SLIT3: variants seen among roughly 807,000 people sequenced by gnomAD.
SLIT3 encodes the protein slit homolog 3 protein.
Under a neutral mutation model 184.0 loss-of-function variants are expected in SLIT3, and 68 were observed. That is an observed-to-expected ratio of 0.37 (90% CI 0.30 to 0.45). The LOEUF is 0.45. Among genes scored for constraint, SLIT3 ranks in the 20% least tolerant of loss-of-function variants. The pLI is 1.00. For missense variants in SLIT3, 1,707 were observed against 2,026.0 expected (o/e 0.84, Z 3.02); for synonymous variants, 831 against 828.6 (o/e 1.00, Z -0.05).
intron 3 of SLIT3, among the ~76,000 whole-genome samples, chr5:169,244,045 TCA>T (rs1765493715): frequency 1.3e-5 from 2 of 152,220 alleles, no homozygotes; most frequent in East Asian, 3.8e-4. Flanking sequence ...GCAAAAGTAT[TCA>T]TCAACAAAAC....
At chr5:168,756,742 G>C (rs10051904) in intron 16 of SLIT3, among the ~76,000 whole-genome samples, 1 of 152,142 alleles carries the variant, frequency 6.6e-6, no homozygotes, top group Non-Finnish European at 1.5e-5. Context: ...TAAGTCACCC[G>C]AATGCCAGAA....
intron 5 of SLIT3, among the ~76,000 whole-genome samples, chr5:168,861,123 A>G (rs1759085703): frequency 6.6e-6 from 1 of 152,172 alleles, no homozygotes; most frequent in Non-Finnish European, 1.5e-5. Context: ...TTTTATTATT[A>G]TACTTTAAGT....
intron 6 of SLIT3, among the ~76,000 whole-genome samples, chr5:168,827,338 G>C (rs1289564493): frequency 6.6e-6 from 1 of 152,222 alleles, no homozygotes; most frequent in African/African-American, 2.4e-5. Context: ...AGAATTTGCT[G>C]CCTTGCCTTT....
intron 16 of SLIT3, among the ~76,000 whole-genome samples, chr5:168,755,233 G>C (rs1754849772): frequency 6.6e-6 from 1 of 152,050 alleles, no homozygotes; most frequent in Non-Finnish European, 1.5e-5. Flanking sequence ...TTTGAAGCCA[G>C]GTTTTCTGGC....
chr5:168,825,958 G>A (rs550244852), intron 6 of SLIT3, among the ~76,000 whole-genome samples: 1 of 152,236 alleles, frequency 6.6e-6, no homozygotes, highest in African/African-American at 2.4e-5. Context: ...CTGACCACCA[G>A]ACAAAAAAAT....
intron 5 of SLIT3, among the ~76,000 whole-genome samples, chr5:168,874,552 C>T (rs549309358): frequency 1.8e-4 from 27 of 152,248 alleles, no homozygotes; most frequent in East Asian, 3.9e-4. Flanking sequence ...ACAGTTATAA[C>T]GCAGGGAGGG....
chr5:169,251,874 A>G (rs1765786100), intron 1 of SLIT3, among the ~76,000 whole-genome samples: 1 of 152,182 alleles, frequency 6.6e-6, no homozygotes, highest in African/African-American at 2.4e-5. Context: ...TAAATGACTC[A>G]AAATCCCAAT....
At chr5:168,890,708 G>T (rs1760422411) in intron 4 of SLIT3, among the ~76,000 whole-genome samples, 1 of 152,272 alleles carries the variant, frequency 6.6e-6, no homozygotes, top group Non-Finnish European at 1.5e-5. Flanking sequence ...ATGAAACAAG[G>T]TTGGCCATGG....
At chr5:169,198,809 G>A (rs1293984081) in intron 3 of SLIT3, among the ~76,000 whole-genome samples, 4 of 151,996 alleles carry the variant, frequency 2.6e-5, no homozygotes, top group African/African-American at 9.7e-5. Flanking sequence ...ATGCACATCT[G>A]TAATCCCCGC....
At chr5:169,205,379 T>C (rs1298757035) in intron 3 of SLIT3, among the ~76,000 whole-genome samples, 1 of 152,158 alleles carries the variant, frequency 6.6e-6, no homozygotes, top group Non-Finnish European at 1.5e-5. Flanking sequence ...GGAGAGAATA[T>C]TTGAATTTTA....
intron 12 of SLIT3, among the ~76,000 whole-genome samples, chr5:168,775,744 C>T (rs896238326): frequency 2.0e-5 from 3 of 152,156 alleles, no homozygotes; most frequent in African/African-American, 7.2e-5. Context: ...CCATCCCTCA[C>T]CCCTTCCAGG....
chr5:168,892,161 C>G (rs1760487637), intron 4 of SLIT3, among the ~76,000 whole-genome samples: 1 of 152,144 alleles, frequency 6.6e-6, no homozygotes. Context: ...TAAAAAGAAA[C>G]AGTTGAAATT....
At chr5:168,780,360 G>A (rs1017149088) in intron 12 of SLIT3, among the ~76,000 whole-genome samples, 2 of 152,262 alleles carry the variant, frequency 1.3e-5, no homozygotes, top group Admixed American at 6.5e-5. Flanking sequence ...ATGGGCCCAG[G>A]CTCCTGCCAA....
intron 6 of SLIT3, among the ~76,000 whole-genome samples, chr5:168,838,101 G>T (rs1478633047): frequency 1.3e-5 from 2 of 152,196 alleles, no homozygotes. Flanking sequence ...TACAGATAAT[G>T]ATCTCACTAG....
At chr5:169,115,534 T>C (rs1281420653) in intron 4 of SLIT3, among the ~76,000 whole-genome samples, 3 of 152,152 alleles carry the variant, frequency 2.0e-5, no homozygotes, top group Non-Finnish European at 2.9e-5. Context: ...GGCACATGTA[T>C]GGAAGCCAGG....
intron 1 of SLIT3, among the ~76,000 whole-genome samples, chr5:169,295,747 C>A (rs1308704638): frequency 6.6e-6 from 1 of 152,190 alleles, no homozygotes; most frequent in Non-Finnish European, 1.5e-5. Context: ...TCTGTGACAA[C>A]AAACAATACT....
chr5:169,085,366 C>T (rs563641973), intron 4 of SLIT3, among the ~76,000 whole-genome samples: 40 of 152,156 alleles, frequency 2.6e-4, no homozygotes, highest in Non-Finnish European at 5.1e-4. Context: ...ATCTTCTGAC[C>T]CAGTGAGCAG....
chr5:169,104,239 G>C (rs536195244), intron 4 of SLIT3, among the ~76,000 whole-genome samples: 82 of 152,284 alleles, frequency 5.4e-4, no homozygotes, highest in African/African-American at 1.9e-3. Flanking sequence ...GAAGCAGCCA[G>C]CATCCGTGGA....
At chr5:168,754,147 C>G in intron 16 of SLIT3, 140 bp from the exon 17 acceptor site, 2 of 809,820 alleles carry the variant, frequency 2.5e-6, no homozygotes, top group Non-Finnish European at 1.9e-6. Context: ...GGAGCTCAGT[C>G]TGGGGCTCCC....
Sources: allele counts gnomAD v4.1 joint callset (sites outside exome capture counted in the v4.1 genomes callset), GRCh38; gene constraint gnomAD v4.1.1; transcripts MANE v1.5; gene names NCBI Gene and HGNC (gene_info 2026-07-23, HGNC 2026-07-21).